Variants in SBF1 observed in about 807,000 individuals in gnomAD.
SBF1 encodes myotubularin-related protein 5.
A neutral mutation model predicts 215.8 loss-of-function variants in SBF1; 65 were observed. The ratio of observed to expected loss-of-function variants is 0.30; its 90% CI spans 0.25 to 0.37. The LOEUF is 0.37. SBF1 is among the 10% of genes least tolerant of loss of function. SBF1 has a pLI of 1.00. For missense variants in SBF1, 2,634 were observed against 2,667.8 expected (o/e 0.99, Z 0.28); for synonymous variants, 1,410 against 1,122.8 (o/e 1.26, Z -5.11).
At chr22:50,459,700 G>T in intron 26 of SBF1, 34 bp from the exon 27 acceptor site, 1 of 1,552,430 alleles carries the variant, frequency 6.4e-7, no homozygotes, top group South Asian at 1.2e-5. Context: ...GGTGGCTGGC[G>T]ACCCCACCCG....
chr22:50,473,932 G>A (rs1003843601), intron 1 of SBF1, among the ~76,000 whole-genome samples: 6 of 152,236 alleles, frequency 3.9e-5, no homozygotes, highest in Admixed American at 3.3e-4. Context: ...TGGGCTGCTG[G>A]GAGGAAGAGG....
At chr22:50,456,950 T>C (rs2067278191) in intron 29 of SBF1, 84 bp downstream of exon 29, 6 of 1,143,576 alleles carry the variant, frequency 5.2e-6, no homozygotes, top group Non-Finnish European at 7.0e-6. Context: ...AGGGAGACAT[T>C]AGTGCCCGCA....
At chr22:50,458,338 C>T (rs943285498) in intron 28 of SBF1, among the ~76,000 whole-genome samples, 2 of 147,972 alleles carry the variant, frequency 1.4e-5, no homozygotes, top group Non-Finnish European at 3.0e-5. Flanking sequence ...AGGGCTGGGA[C>T]TAGAAGCCAC....
At chr22:50,466,775 C>T in intron 5 of SBF1, 65 bp from the exon 6 acceptor site, 1 of 1,164,790 alleles carries the variant, frequency 8.6e-7, no homozygotes, top group Non-Finnish European at 1.2e-6. Flanking sequence ...CAGCCCAGAG[C>T]TCTGTGTCCC....
In SBF1 at chr22:50,456,080, G is replaced by A. The variant is rs2067234572; in HGVS notation, c.4266+136C>T. Reference sequence around the variant, plus strand: ...GCTGCCTTCTAGGCACCAGAGCCTGGGTGGGAAGTGGCTGTCACCTCCTCC... The same window carrying A: ...GCTGCCTTCTAGGCACCAGAGCCTGAGTGGGAAGTGGCTGTCACCTCCTCC... On this transcript the variant is annotated intron_variant, in intron 31 of 40. Transcript: ENST00000380817. 6.4e-6 allele frequency: 6 copies of A among 934,022 alleles called. No individual in the cohort carries two copies. The East Asian group carries it at 1.4e-4, about 21-fold the overall frequency. 57.9% of individuals were successfully genotyped at this position (934,022 alleles called of 1,614,324 possible). A position where few individuals can be genotyped will look rare whatever the true frequency, so the allele number is the denominator to read the frequency against.
In SBF1 at chr22:50,459,408, G is replaced by T. The variant is rs753773822; in HGVS notation, c.3689-16C>A. 3 of 1,612,044 alleles carry T rather than the reference G, an allele frequency of 1.9e-6. No homozygotes were observed. The highest frequency in any genetic ancestry group is 2.5e-6 in the Non-Finnish European group (3 of 1,179,206). On this transcript the variant is annotated splice_polypyrimidine_tract_variant and intron_variant, in intron 27 of 40. Coordinates refer to ENST00000380817, the MANE Select transcript of SBF1 (RefSeq NM_002972.4). ...TGGGACTGGCCTGGGGGAGGACACG[G>T]AGCTGAGGGAGGGGAGGGTGAGATA...
chr22:50,465,903 C>A, intron 9 of SBF1, 58 bp downstream of exon 9: 1 of 1,608,618 alleles, frequency 6.2e-7, no homozygotes, highest in Non-Finnish European at 8.5e-7. Context: ...CCCCGTGCTG[C>A]CAGGTAGCCA....
chr22:50,446,986 G>A lies in SBF1; in HGVS notation c.*156C>T, dbSNP rs1347696349. The A allele has an allele frequency of 2.4e-5, 18 of 746,192 alleles. No individual in the cohort carries two copies. In the East Asian group the frequency reaches 4.6e-4, roughly 19 times the overall value. The allele number at this position is 746,192 out of a possible 1,614,324, so 46.2% of individuals were successfully genotyped here. On this transcript the variant is annotated 3_prime_UTR_variant, in exon 41 of 41. Transcript: ENST00000380817. Reference sequence around the variant, plus strand: ...AAATAAGTTAGGGCCGGCCGGGCGGGGCGGGGCGGGGACGGGGGCTGTACA... The same window carrying A: ...AAATAAGTTAGGGCCGGCCGGGCGGAGCGGGGCGGGGACGGGGGCTGTACA...
Position 50,448,544 on chromosome 22 carries a change from C to T in SBF1, c.5150G>A (p.Arg1717His), listed in dbSNP as rs746226600. 13 of 1,611,640 alleles carry T rather than the reference C, an allele frequency of 8.1e-6. No individual in the cohort carries two copies. The highest frequency in any genetic ancestry group is 1.6e-4 in the Middle Eastern group (1 of 6,082). The change falls in exon 37 of 41, where the codon CGT (arginine) becomes CAT (histidine). Residue 1717 changes from arginine to histidine, a missense_variant and splice_region_variant. Arg to His is a conservative substitution (Grantham distance 29, BLOSUM62 0). Transcript: ENST00000380817. ...ACGCTCACACTGGCCCTCACTCACA[C>T]GGCCGTCTGGCCGGCCCTCGAGGCG... ...AQRLEGRPDG[R>H]GTPSSLLVST... is the part of the protein sequence containing the mutation.
intron 23 of SBF1, 87 bp from the exon 24 acceptor site, chr22:50,460,799 C>G: frequency 2.1e-6 from 3 of 1,407,018 alleles, no homozygotes; most frequent in Non-Finnish European, 2.0e-6. Context: ...CCCTTCCCCT[C>G]GCAGCCATGA....
chr22:50,453,393 A>T (rs1482666638), intron 36 of SBF1, among the ~76,000 whole-genome samples: 3 of 152,210 alleles, frequency 2.0e-5, no homozygotes, highest in Non-Finnish European at 4.4e-5. Flanking sequence ...GCCCCATGCT[A>T]AGTCACTGAA....
rs79598073 is a variant in SBF1 at position 50,469,332 on chromosome 22, G to A, written c.56-871C>T. 4.4e-4 allele frequency among the ~76,000 whole-genome samples: 67 copies of A among 152,366 alleles called. No homozygotes were observed. In the East Asian group the frequency reaches 0.01, roughly 23 times the overall value. On this transcript the variant is annotated intron_variant, in intron 1 of 40. Coordinates refer to ENST00000380817, the MANE Select transcript of SBF1 (RefSeq NM_002972.4). ...GAGGAGGGCTTTCAGGGCAGGGAGA[G>A]CCAAGAGGCCTATGTCTCCCCACCA...
Position 50,464,402 on chromosome 22 carries a change from C to G in SBF1, c.1676G>C (p.Ser559Thr). The change falls in exon 15 of 41, where the codon AGC becomes ACC. Residue 559 changes from serine (S) to threonine (T), a missense_variant. By Grantham distance (58) the Ser-to-Thr change is moderately conservative (BLOSUM62 1). Coordinates refer to ENST00000380817, the MANE Select transcript of SBF1 (RefSeq NM_002972.4). ...GCGCACAACCTCCAGCCGCCGGGCG[C>G]TGTTGACATGCAGCCCACTGCACCG... is the stretch of plus-strand genomic sequence containing the variant. ...LERCSGLHVNSARRLEVVRNC... is the reference protein window; with the variant it reads ...LERCSGLHVNTARRLEVVRNC... 5 of 1,614,122 alleles carry G rather than the reference C, an allele frequency of 3.1e-6. No homozygotes were observed. The highest frequency in any genetic ancestry group is 4.2e-6 in the Non-Finnish European group (5 of 1,180,032).
chr22:50,468,992 C>CT (rs1344210224), intron 1 of SBF1, among the ~76,000 whole-genome samples: 3 of 152,192 alleles, frequency 2.0e-5, no homozygotes, highest in African/African-American at 7.2e-5. Flanking sequence ...AAACTCTTCC[C>CT]TATCCCAGCT....
At chr22:50,450,706 T>C (rs1186449867) in intron 36 of SBF1, among the ~76,000 whole-genome samples, 27 of 152,164 alleles carry the variant, frequency 1.8e-4, no homozygotes, top group Non-Finnish European at 1.6e-4. Flanking sequence ...CTAGAGGTGC[T>C]GGAGAGCTGC....
At position 50,456,676 on chromosome 22, in the gene SBF1, G is replaced by A; in HGVS notation, c.3905-3C>T. 2.0e-6 allele frequency: 3 copies of A among 1,468,294 alleles called. No homozygotes were observed. The highest frequency in any genetic ancestry group is 1.4e-5 in the South Asian group (1 of 69,576). The allele number at this position is 1,468,294 out of a possible 1,614,324, so 91.0% of individuals were successfully genotyped here. A position where few individuals can be genotyped will look rare whatever the true frequency, so the allele number is the denominator to read the frequency against. ...GGTCCGGACACTGCCCCACTTACCT[G>A]TGAAGGAGATGCCAGGTAAGCACCC... is the stretch of plus-strand genomic sequence containing the variant. On this transcript the variant is annotated splice_polypyrimidine_tract_variant and splice_region_variant and intron_variant, in intron 29 of 40. Transcript: ENST00000380817.
At chr22:50,449,597 A>C (rs1185386699) in intron 36 of SBF1, among the ~76,000 whole-genome samples, 1 of 149,852 alleles carries the variant, frequency 6.7e-6, no homozygotes, top group East Asian at 2.0e-4. Context: ...CCTGGGCGGC[A>C]AAGTGAGATT....
chr22:50,456,454 C>A (rs2067251326), intron 30 of SBF1, 38 bp downstream of exon 30: 2 of 1,360,894 alleles, frequency 1.5e-6, no homozygotes, highest in African/African-American at 2.0e-5. Flanking sequence ...CCCTGCCGAG[C>A]CCCCACCCTC....
intron 26 of SBF1, 45 bp from the exon 27 acceptor site, chr22:50,459,711 C>T: frequency 6.5e-7 from 1 of 1,535,328 alleles, no homozygotes; most frequent in Admixed American, 2.1e-5. Flanking sequence ...ACCCCACCCG[C>T]CTCCAGGCTC....
Sources: gnomAD v4.1 joint callset for allele counts (sites outside exome capture counted in the v4.1 genomes callset) on GRCh38, gnomAD v4.1.1 for gene constraint, MANE v1.5 for transcripts, NCBI Gene and HGNC (gene_info 2026-07-23, HGNC 2026-07-21) for gene names.